The following PRKAR1B variants were observed in gnomAD, a reference collection of about 807,000 sequenced individuals.
PRKAR1B encodes the protein cAMP-dependent protein kinase type I-beta regulatory subunit.
In PRKAR1B, 22 loss-of-function variants were observed where a neutral mutation model predicts 46.5. That is an observed-to-expected ratio of 0.47 (90% CI 0.34 to 0.68). The LOEUF is 0.68. PRKAR1B is among the 30% of genes least tolerant of loss of function. PRKAR1B has a pLI of 0.01. For synonymous variants in PRKAR1B, 259 were observed against 217.7 expected (o/e 1.19, Z -1.67); for missense variants, 445 against 535.6 (o/e 0.83, Z 1.67).
At chr7:715,833 A>T (rs1321360561) in intron 1 of PRKAR1B, among the ~76,000 whole-genome samples, 1 of 151,580 alleles carries the variant, frequency 6.6e-6, no homozygotes, top group Non-Finnish European at 1.5e-5. Context: ...CTCCTGCCTC[A>T]GCCTCCCGAG....
intron 4 of PRKAR1B, among the ~76,000 whole-genome samples, chr7:621,992 T>A (rs62432164): frequency 5.3e-5 from 8 of 152,064 alleles, no homozygotes; most frequent in Non-Finnish European, 7.4e-5. Context: ...GTGATGCAAA[T>A]GGAGCGGCCC....
At chr7:658,280 T>A (rs1041049171) in intron 4 of PRKAR1B, among the ~76,000 whole-genome samples, 1 of 151,540 alleles carries the variant, frequency 6.6e-6, no homozygotes, top group African/African-American at 2.4e-5. Context: ...ACAAAAAAAA[T>A]TAAAAATTAG....
intron 1 of PRKAR1B, chr7:726,583 A>ATACATGG: frequency 1.6e-6 from 1 of 633,488 alleles, no homozygotes; most frequent in Non-Finnish European, 2.3e-6. Flanking sequence ...GCACGACAAG[A>ATACATGG]GCACAGGCCC....
At chr7:694,364 A>C (rs994667698) in intron 2 of PRKAR1B, among the ~76,000 whole-genome samples, 6 of 142,562 alleles carry the variant, frequency 4.2e-5, no homozygotes, top group African/African-American at 1.5e-4. Flanking sequence ...ACCAAGACAC[A>C]AGCTCCAGGG....
chr7:614,843 C>T (rs917426505), intron 4 of PRKAR1B, among the ~76,000 whole-genome samples: 2 of 151,798 alleles, frequency 1.3e-5, no homozygotes, highest in Admixed American at 6.6e-5. Flanking sequence ...ACCTGGGAGG[C>T]GGAGGTTACC....
chr7:550,445 G>T lies in PRKAR1B; in HGVS notation c.1131C>A (p.Ile377=), dbSNP rs1223398519. Residue 377 remains isoleucine (I), a synonymous_variant, in exon 11 of 11, where the codon ATC becomes ATA. Transcript: ENST00000537384. ...GGAGCTGTGCTCAGACGGTGAGGGA[G>T]ATGAAGCTGTTGTAACGCTGAATGT... The part of the protein sequence containing the change: ...KRNIQRYNSF[I]SLTV 2 of 1,592,672 alleles carry T rather than the reference G, an allele frequency of 1.3e-6. No homozygotes were observed.
intron 7 of PRKAR1B, among the ~76,000 whole-genome samples, chr7:589,434 A>G (rs1039122568): frequency 6.6e-6 from 1 of 151,906 alleles, no homozygotes; most frequent in African/African-American, 2.4e-5. Context: ...ACCACTGCCA[A>G]GATTCCTCCT....
At chr7:710,689 A>T (rs1490462318) in intron 2 of PRKAR1B, among the ~76,000 whole-genome samples, 3 of 129,064 alleles carry the variant, frequency 2.3e-5, no homozygotes, top group Admixed American at 9.9e-5. Context: ...TCTGTCGCCC[A>T]GGCTGGAGTG....
intron 2 of PRKAR1B, among the ~76,000 whole-genome samples, chr7:688,867 T>C (rs754113781): frequency 6.6e-5 from 10 of 152,254 alleles, no homozygotes; most frequent in Non-Finnish European, 1.3e-4. Context: ...CTTGATTCAC[T>C]GCTAAATCTC....
chr7:719,533 G>A (rs1453195449), intron 1 of PRKAR1B, among the ~76,000 whole-genome samples: 2 of 152,110 alleles, frequency 1.3e-5, no homozygotes, highest in African/African-American at 4.8e-5. Flanking sequence ...CCAGGTGGAC[G>A]TGAATGCCTG....
chr7:679,044 T>C (rs1479289655), intron 3 of PRKAR1B, among the ~76,000 whole-genome samples: 2 of 152,222 alleles, frequency 1.3e-5, no homozygotes, highest in African/African-American at 4.8e-5. Context: ...GCTGAGATCA[T>C]GCCATTGCAC....
At chr7:672,067 C>T (rs1036070430) in intron 4 of PRKAR1B, among the ~76,000 whole-genome samples, 4 of 152,198 alleles carry the variant, frequency 2.6e-5, no homozygotes, top group Non-Finnish European at 4.4e-5. Context: ...TTCCCTACCC[C>T]CACTGTGTTC....
chr7:581,042 G>A (rs1402544121), intron 8 of PRKAR1B, among the ~76,000 whole-genome samples: 3 of 152,128 alleles, frequency 2.0e-5, no homozygotes, highest in Admixed American at 1.3e-4. Flanking sequence ...GGTGGCTCAC[G>A]CCTGTAATCC....
At chr7:563,367 C>T (rs1319859768) in intron 9 of PRKAR1B, among the ~76,000 whole-genome samples, 1 of 152,252 alleles carries the variant, frequency 6.6e-6, no homozygotes, top group Admixed American at 6.5e-5. Flanking sequence ...ATTCCTTAGG[C>T]CAGAAGGGAA....
intron 1 of PRKAR1B, among the ~76,000 whole-genome samples, chr7:719,914 G>T (rs1467374896): frequency 6.6e-6 from 1 of 152,130 alleles, no homozygotes; most frequent in Non-Finnish European, 1.5e-5. Context: ...TCTTTTAGAG[G>T]TTCGTCCAAG....
chr7:587,208 C>T (rs945660123), intron 7 of PRKAR1B, among the ~76,000 whole-genome samples: 4 of 152,168 alleles, frequency 2.6e-5, no homozygotes, highest in Non-Finnish European at 5.9e-5. Flanking sequence ...CCCCCAAATG[C>T]CTGTCAGTCT....
chr7:592,433 G>A (rs1781031890), intron 7 of PRKAR1B, among the ~76,000 whole-genome samples: 2 of 151,412 alleles, frequency 1.3e-5, no homozygotes, highest in African/African-American at 2.4e-5. Flanking sequence ...TGGCCCCACT[G>A]GCTGTGCCGA....
At position 703,411 on chromosome 7, in the gene PRKAR1B, T is replaced by C. The variant is rs572815487; in HGVS notation, c.177+7918A>G. ...CCTGTAATCCCACCACTTTGGGAGG[T>C]TGAGGTGGGTGGATCACGAGGTCAA... On this transcript the variant is annotated intron_variant, in intron 2 of 10. Transcript: ENST00000537384. Among the ~76,000 whole-genome samples the C allele has an allele frequency of 2.5e-3, 382 of 151,480 alleles. 4 individuals are homozygous for C. The highest frequency in any genetic ancestry group is 8.8e-3 in the African/African-American group (362 of 41,300).
chr7:698,048 G>A (rs1426578197), intron 2 of PRKAR1B, among the ~76,000 whole-genome samples: 1 of 68,016 alleles, frequency 1.5e-5, no homozygotes, highest in Non-Finnish European at 2.8e-5. Flanking sequence ...GGGAGGGAAG[G>A]GAAGGGAAGG....
Sources: allele counts gnomAD v4.1 joint callset (sites outside exome capture counted in the v4.1 genomes callset), GRCh38; gene constraint gnomAD v4.1.1; transcripts MANE v1.5; gene names NCBI Gene and HGNC (gene_info 2026-07-23, HGNC 2026-07-21).